The following THSD4 variants were observed in gnomAD, a reference collection of about 807,000 sequenced individuals.
The protein encoded by THSD4 is thrombospondin type-1 domain-containing protein 4.
In THSD4, 69 loss-of-function variants were observed where a neutral mutation model predicts 119.0. The ratio of observed to expected loss-of-function variants is 0.58; its 90% confidence interval spans 0.48 to 0.71. The LOEUF (loss-of-function observed/expected upper bound fraction) is 0.71, where lower values mean the gene tolerates loss of function less well. Among genes scored for constraint, THSD4 ranks in the 30% least tolerant of loss-of-function variants. The probability of loss-of-function intolerance (pLI) is 0.00; values close to 1 mark genes in which losing one functional copy is unlikely to be tolerated. For synonymous variants in THSD4, 524 were observed against 540.4 expected (o/e 0.97, Z 0.42); for missense variants, 1,393 against 1,391.1 (o/e 1.00, Z -0.02).
chr15:71,449,379 G>C (rs1358755699), intron 7 of THSD4, among the ~76,000 whole-genome samples: 1 of 152,172 alleles, frequency 6.6e-6, no homozygotes, highest in African/African-American at 2.4e-5. Context: ...TGAAGAACAT[G>C]AGCTTTGGAG....
intron 7 of THSD4, among the ~76,000 whole-genome samples, chr15:71,506,837 G>T (rs2048197518): frequency 6.6e-6 from 1 of 152,242 alleles, no homozygotes; most frequent in Non-Finnish European, 1.5e-5. Context: ...AGCCTGTTCT[G>T]TTACAACTTG....
intron 7 of THSD4, among the ~76,000 whole-genome samples, chr15:71,438,023 G>A (rs1018638371): frequency 7.2e-5 from 11 of 152,182 alleles, no homozygotes; most frequent in Non-Finnish European, 1.6e-4. Flanking sequence ...AGTGCCTTGG[G>A]TGAAGAATTT....
At chr15:71,405,032 ATG>A (rs2046587119) in intron 6 of THSD4, among the ~76,000 whole-genome samples, 1 of 151,828 alleles carries the variant, frequency 6.6e-6, no homozygotes, top group Admixed American at 6.6e-5. Flanking sequence ...GGGATTACAG[ATG>A]TGCGCAACCA....
At chr15:71,741,903 T>C (rs2141161552) in intron 11 of THSD4, among the ~76,000 whole-genome samples, 1 of 152,350 alleles carries the variant, frequency 6.6e-6, no homozygotes, top group African/African-American at 2.4e-5. Flanking sequence ...TTCCTTTTTC[T>C]TTCAAGTGAC....
Position 71,777,345 on chromosome 15 carries a change from A to G in THSD4, c.3028A>G (p.Arg1010Gly). Residue 1010 changes from arginine to glycine, a missense_variant, in exon 18 of 18, where the codon AGG (arginine) becomes GGG (glycine). Physicochemically the swap from Arg to Gly is moderately radical, Grantham distance 125 (BLOSUM62 -2). Transcript: ENST00000261862. ...TGCCTCCTGCACCCGTGTGGCCAACAGGCAGACGGGCTTCCTGGGGAGCAG... is the reference window on the plus strand; with the variant it reads ...TGCCTCCTGCACCCGTGTGGCCAACGGGCAGACGGGCTTCCTGGGGAGCAG... ...CCASCTRVAN[R>G]QTGFLGSR The G allele has an allele frequency of 6.2e-7, 1 of 1,614,170 alleles. No individual in the cohort carries two copies. The highest frequency in any genetic ancestry group is 1.3e-5 in the African/African-American group (1 of 75,068).
At position 71,340,511 on chromosome 15, in the gene THSD4, G is replaced by GC. The variant is rs540923881; in HGVS notation, c.1016-71175dup. Among the ~76,000 whole-genome samples, 478 of 152,020 alleles carry GC rather than the reference G, an allele frequency of 3.1e-3. 4 individuals are homozygous for GC. The highest frequency in any genetic ancestry group is 0.025 in the South Asian group (122 of 4,822). ...ATTTTCCGCTGTGCTGGGAGCTTGC[G>GC]CACCCTCTGGAGCTTCCTTGCTGTG... is the stretch of plus-strand genomic sequence containing the variant. On this transcript the variant is annotated intron_variant, in intron 6 of 17. Transcript: ENST00000261862.
chr15:71,586,171 C>T (rs186537979), intron 7 of THSD4, among the ~76,000 whole-genome samples: 2 of 152,244 alleles, frequency 1.3e-5, no homozygotes, highest in Admixed American at 6.5e-5. Context: ...ATTGAAGGGG[C>T]AGATACCTCT....
chr15:71,575,439 G>T (rs1363905852), intron 7 of THSD4, among the ~76,000 whole-genome samples: 1 of 152,152 alleles, frequency 6.6e-6, no homozygotes, highest in Non-Finnish European at 1.5e-5. Context: ...TTTGTAAGTT[G>T]CCTAAAATCC....
intron 4 of THSD4, among the ~76,000 whole-genome samples, chr15:71,228,403 T>G (rs911848723): frequency 1.3e-5 from 2 of 151,926 alleles, no homozygotes; most frequent in African/African-American, 4.8e-5. Flanking sequence ...GCCACCTTGA[T>G]TTCAGCCTAG....
chr15:71,670,155 C>G (rs781518308), intron 8 of THSD4, among the ~76,000 whole-genome samples: 8 of 149,484 alleles, frequency 5.4e-5, no homozygotes, highest in Non-Finnish European at 7.4e-5. Context: ...ATATGTATAC[C>G]TGTGCCATGT....
At chr15:71,388,908 A>G (rs2046330625) in intron 6 of THSD4, among the ~76,000 whole-genome samples, 1 of 152,170 alleles carries the variant, frequency 6.6e-6, no homozygotes, top group African/African-American at 2.4e-5. Context: ...GAGATAATTG[A>G]GTCATGGGGG....
chr15:71,444,303 T>C (rs923610467), intron 7 of THSD4, among the ~76,000 whole-genome samples: 9 of 152,156 alleles, frequency 5.9e-5, no homozygotes, highest in African/African-American at 9.7e-5. Flanking sequence ...ATCTAAGATA[T>C]TGCAAATCAC....
intron 7 of THSD4, among the ~76,000 whole-genome samples, chr15:71,469,036 G>A (rs181673513): frequency 0.01 from 1,534 of 152,286 alleles, 17 homozygotes; most frequent in Non-Finnish European, 0.015. Flanking sequence ...ATAAATATTG[G>A]AAGACAACTA....
At chr15:71,233,046 C>T (rs2044073763) in intron 4 of THSD4, among the ~76,000 whole-genome samples, 1 of 152,188 alleles carries the variant, frequency 6.6e-6, no homozygotes, top group African/African-American at 2.4e-5. Context: ...GAGATTCAAG[C>T]ATATTCAGAC....
At chr15:71,232,238 T>A (rs998099713) in intron 4 of THSD4, among the ~76,000 whole-genome samples, 1 of 152,212 alleles carries the variant, frequency 6.6e-6, no homozygotes, top group African/African-American at 2.4e-5. Context: ...CCTTGACTTC[T>A]TGCATATGGA....
intron 6 of THSD4, among the ~76,000 whole-genome samples, chr15:71,323,390 A>C (rs1400215873): frequency 2.0e-5 from 3 of 152,230 alleles, no homozygotes; most frequent in Admixed American, 6.5e-5. Flanking sequence ...ACATGGTAGC[A>C]GCTTAGAAAA....
intron 8 of THSD4, among the ~76,000 whole-genome samples, chr15:71,709,431 T>C (rs1023758609): frequency 1.3e-5 from 2 of 152,172 alleles, no homozygotes; most frequent in African/African-American, 4.8e-5. Flanking sequence ...TGAAGTGGAC[T>C]GTGGAGAAGA....
At chr15:71,479,707 C>T (rs77300230) in intron 7 of THSD4, among the ~76,000 whole-genome samples, 2,789 of 152,158 alleles carry the variant, frequency 0.018, 46 homozygotes, top group Non-Finnish European at 0.027. Context: ...AGTACGTACC[C>T]TTCACTCTTT....
chr15:71,416,711 A>ATTTTATTTTATTTTG lies in THSD4; in HGVS notation c.1152+4892_1152+4893insATTTTATTTTGTTTT, dbSNP rs1328576529. Among the ~76,000 whole-genome samples, 2 of 87,698 alleles carry ATTTTATTTTATTTTG rather than the reference A, an allele frequency of 2.3e-5. 1 individual carries two copies. The highest frequency in any genetic ancestry group is 8.0e-5 in the African/African-American group (2 of 24,850). The allele number at this position is 87,698 out of a possible 152,430, so 57.5% of individuals were successfully genotyped here. ...ATTTTGTTTCATTTTATTTTATTTT[A>ATTTTATTTTATTTTG]TTTTGTTTTGTTTTGTTTTGTTTTG... On this transcript the variant is annotated intron_variant, in intron 7 of 17. Transcript: ENST00000261862.
Sources: allele counts gnomAD v4.1 joint callset (sites outside exome capture counted in the v4.1 genomes callset), GRCh38; gene constraint gnomAD v4.1.1; transcripts MANE v1.5; gene names NCBI Gene and HGNC (gene_info 2026-07-23, HGNC 2026-07-21).